The following PPM1B variants were observed in gnomAD, a reference collection of about 807,000 sequenced individuals.
The protein encoded by PPM1B is protein phosphatase 1B.
PPM1B carries 22 observed loss-of-function variants against 43.0 expected under a neutral mutation model. The observed-to-expected ratio is 0.51, with a 90% CI of 0.37 to 0.73. PPM1B has a LOEUF of 0.73. Ranked by LOEUF, PPM1B falls within the 30% of genes least tolerant of loss-of-function variation. PPM1B has a pLI of 0.00. For synonymous variants in PPM1B, 217 were observed against 197.9 expected, an observed-to-expected ratio of 1.10 and a Z score of -0.81; for missense variants, 632 against 584.2, an observed-to-expected ratio of 1.08 and a Z score of -0.84.
rs925653732 is a variant in PPM1B, at chr2:44,209,336, A to C, written c.964+9A>C. ...GGAATCACGGGTTGAAGGTAAGACAAATGCTTTTTAAAAATATAGACAGGC... is the reference window on the plus strand; with the variant it reads ...GGAATCACGGGTTGAAGGTAAGACACATGCTTTTTAAAAATATAGACAGGC... On this transcript the variant is annotated intron_variant, in intron 3 of 5. Transcript: ENST00000282412. The C allele has an allele frequency of 1.9e-6, 3 of 1,613,564 alleles. No individual in the cohort carries two copies. The highest frequency in any genetic ancestry group is 1.3e-5 in the African/African-American group (1 of 74,904).
Position 44,202,042 on chromosome 2 carries a change from C to CA in PPM1B, c.845dup (p.Ser284LysfsTer4), listed in dbSNP as rs766125986. The CA allele has an allele frequency of 6.5e-7, 1 of 1,547,628 alleles. No individual in the cohort carries two copies. Among genetic ancestry groups the CA allele is most frequent in the Non-Finnish European group, 8.7e-7 (1 of 1,148,992 alleles). On this transcript the variant is annotated frameshift_variant, in exon 2 of 6. Coordinates refer to ENST00000282412, the MANE Select transcript of PPM1B (RefSeq NM_002706.6). LOFTEE classifies it high-confidence loss of function. The stretch of plus-strand genomic sequence containing the variant: ...ATTGGGTAGTGGACACTTGTTTACA[C>CA]AAGGTATGTAAACTTTTTTGTCATT...
intron 5 of PPM1B, among the ~76,000 whole-genome samples, chr2:44,227,841 A>G (rs1340969963): frequency 6.6e-6 from 1 of 151,364 alleles, no homozygotes; most frequent in East Asian, 1.9e-4. Context: ...ATTTTTTGCC[A>G]TGAGGATACT....
rs1670444661 is a variant in PPM1B at position 44,230,909 on chromosome 2, T to C, written c.*191T>C. ...ATAGTGTAAAATTGACTATTTATAG[T>C]ACTATGGATTTAATGAAATTATATG... On this transcript the variant is annotated 3_prime_UTR_variant, in exon 6 of 6. Coordinates refer to ENST00000282412, the MANE Select transcript of PPM1B (RefSeq NM_002706.6). The C allele has an allele frequency of 8.1e-7, 1 of 1,241,056 alleles. No homozygotes were observed. Among genetic ancestry groups the C allele is most frequent in the Non-Finnish European group, 1.0e-6 (1 of 974,070 alleles). 76.9% of individuals were successfully genotyped at this position (1,241,056 alleles called of 1,614,324 possible). A position where few individuals can be genotyped will look rare whatever the true frequency, so the allele number is the denominator to read the frequency against.
intron 5 of PPM1B, among the ~76,000 whole-genome samples, chr2:44,228,658 C>A (rs1418235678): frequency 1.3e-5 from 2 of 152,012 alleles, no homozygotes; most frequent in East Asian, 1.9e-4. Flanking sequence ...TTTATTTTCC[C>A]AATATTTTAA....
rs573849877 is a variant in PPM1B, at chr2:44,217,350, G to A, written c.965-617G>A. Among the ~76,000 whole-genome samples, 350 of 149,276 alleles carry A rather than the reference G, an allele frequency of 2.3e-3. 3 individuals carry two copies. Among genetic ancestry groups the A allele is most frequent in the African/African-American group, 8.3e-3 (334 of 40,288 alleles). On this transcript the variant is annotated intron_variant, in intron 3 of 5. Coordinates refer to ENST00000282412, the MANE Select transcript of PPM1B (RefSeq NM_002706.6). ...GGAGGCAGAGGTTGCAGTGAGCCAA[G>A]ATCACGCCATTGCACTCCAGCCTGG...
At chr2:44,179,418 GGT>G (rs1471688561) in intron 1 of PPM1B, among the ~76,000 whole-genome samples, 2 of 152,262 alleles carry the variant, frequency 1.3e-5, no homozygotes, top group Admixed American at 1.3e-4. Context: ...AGCCCCGAGT[GGT>G]TAGTGGCTAC....
intron 1 of PPM1B, among the ~76,000 whole-genome samples, chr2:44,187,909 C>A (rs1465373630): frequency 6.6e-6 from 1 of 152,114 alleles, no homozygotes; most frequent in Non-Finnish European, 1.5e-5. Context: ...CGCCACCATG[C>A]CCGGCTAACT....
chr2:44,232,463 T>C (rs1026130635), downstream of PPM1B: 7 of 1,545,262 alleles, frequency 4.5e-6, no homozygotes, highest in African/African-American at 1.4e-5. Context: ...TTTTGTGATA[T>C]GAGCAGAAAA....
chr2:44,223,985 A>G, intron 5 of PPM1B, among the ~76,000 whole-genome samples: 1 of 152,138 alleles, frequency 6.6e-6, no homozygotes, highest in Non-Finnish European at 1.5e-5. Flanking sequence ...ATGATTCTTC[A>G]AGTAACATGT....
At chr2:44,225,813 C>T (rs1200418915) in intron 5 of PPM1B, among the ~76,000 whole-genome samples, 3 of 151,926 alleles carry the variant, frequency 2.0e-5, no homozygotes, top group Non-Finnish European at 4.4e-5. Flanking sequence ...TGCACCACCA[C>T]GCCTGGCTAA....
chr2:44,218,613 A>T, intron 5 of PPM1B, 76 bp downstream of exon 5: 4 of 983,934 alleles, frequency 4.1e-6, no homozygotes, highest in Non-Finnish European at 6.1e-6. Context: ...CATTCACATT[A>T]ACGAAGTCTA....
chr2:44,241,195 G>A (rs1438854037), intron 5 of PPM1B, among the ~76,000 whole-genome samples: 1 of 142,244 alleles, frequency 7.0e-6, no homozygotes, highest in African/African-American at 2.5e-5. Context: ...TAGGGTGGGG[G>A]TTTCTCCATG....
chr2:44,228,819 AC>A (rs1670340102), intron 5 of PPM1B, among the ~76,000 whole-genome samples: 2 of 151,896 alleles, frequency 1.3e-5, no homozygotes, highest in African/African-American at 2.4e-5. Flanking sequence ...CTTTGACTGA[AC>A]CCTTTGAGAG....
At chr2:44,205,010 C>T (rs1669107228) in intron 2 of PPM1B, among the ~76,000 whole-genome samples, 1 of 152,012 alleles carries the variant, frequency 6.6e-6, no homozygotes, top group Admixed American at 6.6e-5. Context: ...GAAAGCAACC[C>T]TCCCATTTTA....
At position 44,240,765 on chromosome 2, in the gene PPM1B, G is replaced by A. The variant is rs1224410359; in HGVS notation, n.1547-3463G>A. 6.9e-5 allele frequency among the ~76,000 whole-genome samples: 10 copies of A among 144,822 alleles called. 1 individual carries two copies. Among genetic ancestry groups the A allele is most frequent in the African/African-American group, 2.5e-4 (10 of 40,232 alleles). On this transcript the variant is annotated intron_variant and non_coding_transcript_variant, in intron 5 of 5. Transcript: ENST00000378540. ...CTAGTACCCATTAGCATGAAACAGC[G>A]TTTTCTGGGGTGGCTCAGTAAAATG...
intron 3 of PPM1B, among the ~76,000 whole-genome samples, chr2:44,215,117 ATAGT>A (rs1310224242): frequency 6.6e-6 from 1 of 152,214 alleles, no homozygotes; most frequent in Non-Finnish European, 1.5e-5. Context: ...CCTGTAGCAA[ATAGT>A]TATTATTAAT....
chr2:44,181,238 C>T (rs572306264), intron 1 of PPM1B, among the ~76,000 whole-genome samples: 3 of 152,130 alleles, frequency 2.0e-5, no homozygotes, highest in Non-Finnish European at 4.4e-5. Flanking sequence ...CATGAGGCAC[C>T]ATACCCAGCC....
intron 3 of PPM1B, among the ~76,000 whole-genome samples, chr2:44,212,435 C>T (rs750133371): frequency 2.0e-5 from 3 of 152,126 alleles, no homozygotes; most frequent in Non-Finnish European, 2.9e-5. Flanking sequence ...GCATGAATAT[C>T]CCATTCTGGA....
rs1246546381 is a variant in PPM1B, at chr2:44,171,796, C to G, written c.-15+2522C>G. Among the ~76,000 whole-genome samples the G allele has an allele frequency of 2.8e-5, 4 of 144,198 alleles. No homozygotes were observed. The East Asian group carries it at 8.1e-4, about 29-fold the overall frequency. 94.6% of individuals were successfully genotyped at this position (144,198 alleles called of 152,430 possible). ...AGTGAGCCGAGATTGTGCCACTGCA[C>G]TCTAGCCTGGGTGCCAGAGTAAGAC... is the stretch of plus-strand genomic sequence containing the variant. On this transcript the variant is annotated intron_variant, in intron 1 of 5. Transcript: ENST00000282412.
Sources: gnomAD v4.1 joint callset for allele counts (sites outside exome capture counted in the v4.1 genomes callset) on GRCh38, gnomAD v4.1.1 for gene constraint, MANE v1.5 for transcripts, NCBI Gene and HGNC (gene_info 2026-07-23, HGNC 2026-07-21) for gene names.